Variants in LRRC40 observed in about 807,000 individuals in gnomAD.
The protein encoded by LRRC40 is leucine rich repeat containing 40.
In LRRC40, 76 loss-of-function variants were observed where a neutral mutation model predicts 72.8. That is an observed-to-expected ratio of 1.04 (90% CI 0.87 to 1.26). The LOEUF (loss-of-function observed/expected upper bound fraction) is 1.26, where lower values mean the gene tolerates loss of function less well. Ranked by LOEUF, LRRC40 falls within the 50% of genes most tolerant of loss-of-function variation. LRRC40 has a pLI of 0.00. For synonymous variants in LRRC40, 243 were observed against 254.2 expected, an observed-to-expected ratio of 0.96 and a Z score of 0.42; for missense variants, 684 against 698.9, an observed-to-expected ratio of 0.98 and a Z score of 0.24.
intron 1 of LRRC40, among the ~76,000 whole-genome samples, chr1:70,192,762 G>A (rs886918701): frequency 4.6e-5 from 7 of 152,040 alleles, no homozygotes; most frequent in Non-Finnish European, 1.0e-4. Flanking sequence ...GCTAAATGAT[G>A]AGAACTCATG....
intron 9 of LRRC40, among the ~76,000 whole-genome samples, chr1:70,164,556 T>A (rs1420129772): frequency 6.6e-6 from 1 of 152,082 alleles, no homozygotes; most frequent in African/African-American, 2.4e-5. Flanking sequence ...CAGCACCCAC[T>A]GGGGAATTTT....
intron 1 of LRRC40, among the ~76,000 whole-genome samples, chr1:70,197,706 A>G (rs1668646204): frequency 1.3e-5 from 2 of 150,752 alleles, no homozygotes; most frequent in South Asian, 2.1e-4. Flanking sequence ...TAGTTTGGGG[A>G]GGACATTTAT....
intron 9 of LRRC40, among the ~76,000 whole-genome samples, chr1:70,164,620 C>T (rs1667839633): frequency 1.3e-5 from 2 of 152,246 alleles, no homozygotes; most frequent in Admixed American, 6.5e-5. Context: ...ACCACTGGAA[C>T]ATATCTCCCG....
At chr1:70,174,246 C>T (rs1046085025) in intron 7 of LRRC40, among the ~76,000 whole-genome samples, 3 of 151,920 alleles carry the variant, frequency 2.0e-5, no homozygotes, top group Non-Finnish European at 1.5e-5. Flanking sequence ...AAATATAGGG[C>T]ACTGGTATAG....
Position 70,205,422 on chromosome 1 carries a change from T to C in LRRC40, c.119A>G (p.Gln40Arg). 1.9e-6 allele frequency: 3 copies of C among 1,602,104 alleles called. No homozygotes were observed. Among genetic ancestry groups the C allele is most frequent in the South Asian group, 1.1e-5 (1 of 90,052 alleles). ...GAGGTTTCTACCCGACAGGTTTAAC[T>C]GGCCGCTCTTCCTCGCTGCCTTCAA... ...GLLKAARKSG[Q>R]LNLSGRNLSE... The change falls in exon 1 of 15, where the codon CAG (glutamine) becomes CGG (arginine). Residue 40 changes from glutamine (Q) to arginine (R), a missense_variant. By Grantham distance (43) the Gln-to-Arg change is conservative (BLOSUM62 1). Transcript: ENST00000370952.
At chr1:70,165,666 G>A (rs1364920995) in intron 9 of LRRC40, among the ~76,000 whole-genome samples, 5 of 151,506 alleles carry the variant, frequency 3.3e-5, no homozygotes, top group East Asian at 1.9e-4. Flanking sequence ...GAGAAGAAAA[G>A]CTGAAGGAAA....
chr1:70,146,281 T>C (rs1212391933), intron 14 of LRRC40, among the ~76,000 whole-genome samples: 1 of 152,162 alleles, frequency 6.6e-6, no homozygotes, highest in Non-Finnish European at 1.5e-5. Flanking sequence ...CGCCTCAGCC[T>C]CCCAAAGTAC....
intron 9 of LRRC40, among the ~76,000 whole-genome samples, chr1:70,170,279 A>G (rs564926003): frequency 6.6e-6 from 1 of 152,312 alleles, no homozygotes; most frequent in South Asian, 2.1e-4. Flanking sequence ...TCTACAAAAA[A>G]TCCACAGCTA....
intron 13 of LRRC40, among the ~76,000 whole-genome samples, chr1:70,150,126 C>T (rs1667436908): frequency 6.6e-6 from 1 of 152,106 alleles, no homozygotes; most frequent in South Asian, 2.1e-4. Context: ...ACCATATCGG[C>T]CAGGCTGGTC....
At chr1:70,192,503 A>G (rs979655190) in intron 1 of LRRC40, among the ~76,000 whole-genome samples, 2 of 152,172 alleles carry the variant, frequency 1.3e-5, no homozygotes, top group Non-Finnish European at 2.9e-5. Context: ...TACCATAAGG[A>G]CACATGCATG....
intron 10 of LRRC40, among the ~76,000 whole-genome samples, chr1:70,158,255 C>T (rs939223635): frequency 2.0e-5 from 3 of 151,646 alleles, no homozygotes; most frequent in African/African-American, 7.3e-5. Context: ...GAGGTGAGAA[C>T]AATATGAATG....
chr1:70,152,208 T>G (rs1187806523), intron 12 of LRRC40, among the ~76,000 whole-genome samples: 1 of 152,176 alleles, frequency 6.6e-6, no homozygotes, highest in Non-Finnish European at 1.5e-5. Context: ...ATGACGTAAC[T>G]TGTAAATTGC....
chr1:70,150,667 T>C (rs574954696), intron 13 of LRRC40, among the ~76,000 whole-genome samples: 3 of 152,330 alleles, frequency 2.0e-5, no homozygotes, highest in East Asian at 1.9e-4. Context: ...CCAAAGCACA[T>C]TGAACTTCTT....
At chr1:70,164,351 T>C (rs937409628) in intron 9 of LRRC40, among the ~76,000 whole-genome samples, 1 of 151,804 alleles carries the variant, frequency 6.6e-6, no homozygotes, top group Non-Finnish European at 1.5e-5. Context: ...GATCGCGACA[T>C]TGCACTCCAA....
At chr1:70,161,385 T>C (rs1474905821) in intron 9 of LRRC40, among the ~76,000 whole-genome samples, 3 of 151,810 alleles carry the variant, frequency 2.0e-5, no homozygotes, top group Admixed American at 6.6e-5. Flanking sequence ...CGCCCAGCCA[T>C]GGAGATACCT....
rs59341874 is a variant in LRRC40, at chr1:70,190,677, T to TAAAAAAAAAAAAAAAAAAAAAAAAAAA, written c.152-1405_152-1404insTTTTTTTTTTTTTTTTTTTTTTTTTTT. On this transcript the variant is annotated intron_variant, in intron 1 of 14. Transcript: ENST00000370952. ...GGGAAACAGAGTGAGACCCTGTCTCTAAAAAAAAAAAAAAAAAAACTTAAA... is the reference window on the plus strand; with the variant it reads ...GGGAAACAGAGTGAGACCCTGTCTCTAAAAAAAAAAAAAAAAAAAAAAAAAAAAAAAAAAAAAAAAAAAAAACTTAAA... Among the ~76,000 whole-genome samples the TAAAAAAAAAAAAAAAAAAAAAAAAAAA allele has an allele frequency of 8.1e-4, 44 of 54,326 alleles. 2 individuals are homozygous for TAAAAAAAAAAAAAAAAAAAAAAAAAAA. Among genetic ancestry groups the TAAAAAAAAAAAAAAAAAAAAAAAAAAA allele is most frequent in the African/African-American group, 3.2e-3 (25 of 7,904 alleles). 35.6% of individuals were successfully genotyped at this position (54,326 alleles called of 152,430 possible). A position where few individuals can be genotyped will look rare whatever the true frequency, so the allele number is the denominator to read the frequency against.
At chr1:70,173,330 T>C in intron 9 of LRRC40, 135 bp downstream of exon 9, 1 of 637,010 alleles carries the variant, frequency 1.6e-6, no homozygotes, top group Non-Finnish European at 2.8e-6. Context: ...TATATGGATT[T>C]AGAATTAGAG....
chr1:70,200,037 C>T (rs1183680920), intron 1 of LRRC40, among the ~76,000 whole-genome samples: 1 of 152,092 alleles, frequency 6.6e-6, no homozygotes, highest in Non-Finnish European at 1.5e-5. Context: ...TCTCTCACTG[C>T]CCTTGTACGG....
chr1:70,185,276 C>A (rs913540465), intron 3 of LRRC40, among the ~76,000 whole-genome samples: 13 of 152,194 alleles, frequency 8.5e-5, no homozygotes, highest in African/African-American at 3.1e-4. Flanking sequence ...TGTGTCCCCA[C>A]ACAAATTTCA....
Sources: gnomAD v4.1 joint callset for allele counts (sites outside exome capture counted in the v4.1 genomes callset) on GRCh38, gnomAD v4.1.1 for gene constraint, MANE v1.5 for transcripts, NCBI Gene and HGNC (gene_info 2026-07-23, HGNC 2026-07-21) for gene names.